Variants in SH3GL1 observed in about 807,000 individuals in gnomAD.
SH3GL1 encodes the protein SH3 domain containing GRB2 like 1, endophilin A2, also known as endophilin-A2.
SH3GL1 carries 21 observed loss-of-function variants against 48.8 expected under a neutral mutation model. The observed-to-expected ratio is 0.43, with a 90% CI of 0.30 to 0.62. The LOEUF (loss-of-function observed/expected upper bound fraction) is 0.62, where lower values mean the gene tolerates loss of function less well. SH3GL1 is among the 20% of genes least tolerant of loss of function. The pLI, the probability that SH3GL1 is intolerant of heterozygous loss-of-function variation, is 0.11. For missense variants in SH3GL1, 454 were observed against 503.0 expected (o/e 0.90, Z 0.93); for synonymous variants, 282 against 217.5 (o/e 1.30, Z -2.61).
At chr19:4,379,807 C>T (rs886551167) in intron 1 of SH3GL1, among the ~76,000 whole-genome samples, 2 of 152,170 alleles carry the variant, frequency 1.3e-5, no homozygotes, top group Non-Finnish European at 2.9e-5. Context: ...ACACAAAGCA[C>T]GCCGCTCTGC....
rs35880496 is a variant in SH3GL1 at position 4,364,916 on chromosome 19, ATTTT to A, written c.331+562_331+565del. Among the ~76,000 whole-genome samples the A allele has an allele frequency of 4.6e-4, 54 of 116,216 alleles. No individual in the cohort carries two copies. The South Asian group carries it at 0.013, about 27-fold the overall frequency. The allele number at this position is 116,216 out of a possible 152,430, so 76.2% of individuals were successfully genotyped here. A position where few individuals can be genotyped will look rare whatever the true frequency, so the allele number is the denominator to read the frequency against. On this transcript the variant is annotated intron_variant, in intron 4 of 9. Transcript: ENST00000269886. ...TGTGTGTGTATATATATATATATAT[ATTTT>A]TTTTTTTTTAGTAGAAGCGGGGTGG... is the stretch of plus-strand genomic sequence containing the variant.
intron 1 of SH3GL1, among the ~76,000 whole-genome samples, chr19:4,369,210 A>C (rs1972846172): frequency 1.3e-5 from 2 of 152,196 alleles, no homozygotes; most frequent in Non-Finnish European, 2.9e-5. Context: ...TGAAGGCATT[A>C]GGAGGAAGGA....
Position 4,363,715 on chromosome 19 carries a change from C to G in SH3GL1, c.624+5G>C, listed in dbSNP as rs746797375. 6.2e-7 allele frequency: 1 copy of G among 1,613,014 alleles called. No homozygotes were observed. Among genetic ancestry groups the G allele is most frequent in the South Asian group, 1.1e-5 (1 of 91,044 alleles). ...TCTCAGGATGTGACACCCCGAGCTA[C>G]TCACGTCAGTCTCCAGGAGGTTGTG... On this transcript the variant is annotated splice_donor_5th_base_variant and intron_variant, in intron 6 of 9. Transcript: ENST00000269886.
intron 1 of SH3GL1, among the ~76,000 whole-genome samples, chr19:4,369,549 G>A (rs955831365): frequency 2.0e-5 from 3 of 152,146 alleles, no homozygotes; most frequent in African/African-American, 4.8e-5. Context: ...CCCTACCGGC[G>A]AGGACCACAT....
Position 4,361,371 on chromosome 19 carries a change from G to A in SH3GL1, c.*229C>T, listed in dbSNP as rs190675955. ...GCGCCATGGAGTGGGGAAGGGAGCC[G>A]TCACCGTTGGGAGTCAGCGCTAGTG... On this transcript the variant is annotated 3_prime_UTR_variant, in exon 10 of 10. Coordinates refer to ENST00000269886, the MANE Select transcript of SH3GL1 (RefSeq NM_003025.4). 3.3e-5 allele frequency: 18 copies of A among 541,362 alleles called. No homozygotes were observed. The highest frequency in any genetic ancestry group is 9.7e-5 in the South Asian group (4 of 41,090). 33.5% of individuals were successfully genotyped at this position (541,362 alleles called of 1,614,324 possible). A position where few individuals can be genotyped will look rare whatever the true frequency, so the allele number is the denominator to read the frequency against.
At chr19:4,373,436 T>C (rs1688752127) in intron 1 of SH3GL1, among the ~76,000 whole-genome samples, 1 of 152,116 alleles carries the variant, frequency 6.6e-6, no homozygotes, top group African/African-American at 2.4e-5. Context: ...GGCTGAATGG[T>C]TTTTAAAAAG....
rs1046385706 is a variant in SH3GL1, at chr19:4,367,512, G to A, written c.46-518C>T. ...GTGCAGGCAGCCGGGCAGGGAGGCC[G>A]CCATTCTCCTGTGCTCTGGTGCCCG... On this transcript the variant is annotated intron_variant, in intron 1 of 9. Transcript: ENST00000269886. The surrounding 1 kb of genome is among the most constrained non-coding windows in gnomAD (Gnocchi z 4.2). Among the ~76,000 whole-genome samples the A allele has an allele frequency of 2.0e-5, 3 of 152,146 alleles. No individual in the cohort carries two copies. The highest frequency in any genetic ancestry group is 2.9e-5 in the Non-Finnish European group (2 of 68,012).
chr19:4,378,431 CA>C (rs2144893670), intron 1 of SH3GL1, among the ~76,000 whole-genome samples: 1 of 152,144 alleles, frequency 6.6e-6, no homozygotes, highest in African/African-American at 2.4e-5. Context: ...TACACACCAC[CA>C]GGCCAGGTGC....
chr19:4,373,218 A>T (rs1972938013), intron 1 of SH3GL1, among the ~76,000 whole-genome samples: 1 of 152,206 alleles, frequency 6.6e-6, no homozygotes, highest in Non-Finnish European at 1.5e-5. Flanking sequence ...ATCAGACGGC[A>T]GAAACCCACT....
intron 1 of SH3GL1, among the ~76,000 whole-genome samples, chr19:4,368,497 G>A (rs540631827): frequency 6.6e-6 from 1 of 152,346 alleles, no homozygotes; most frequent in South Asian, 2.1e-4. Context: ...CCTGCCCGGA[G>A]TACACGGCTG....
chr19:4,361,841 C>A lies in SH3GL1; in HGVS notation c.911-45G>T, dbSNP rs561704218. ...GTGGGGCTGGGGCTGCTACGCCTCA[C>A]CCCGCCCAGTCTGGGGTCTCAGACC... On this transcript the variant is annotated intron_variant, in intron 9 of 9. Coordinates refer to ENST00000269886, the MANE Select transcript of SH3GL1 (RefSeq NM_003025.4). The A allele has an allele frequency of 3.4e-5, 48 of 1,393,750 alleles. 2 individuals carry two copies. The African/African-American group carries it at 5.8e-4, about 17-fold the overall frequency. 86.3% of individuals were successfully genotyped at this position (1,393,750 alleles called of 1,614,324 possible). A position where few individuals can be genotyped will look rare whatever the true frequency, so the allele number is the denominator to read the frequency against.
At chr19:4,363,348 G>A (rs1972676657) in intron 7 of SH3GL1, 22 bp downstream of exon 7, 2 of 1,566,470 alleles carry the variant, frequency 1.3e-6, no homozygotes, top group Non-Finnish European at 1.7e-6. Flanking sequence ...AGACTCTGGA[G>A]AGACCAAGGC....
chr19:4,398,561 T>C (rs1206517553), intron 1 of SH3GL1, among the ~76,000 whole-genome samples: 1 of 151,992 alleles, frequency 6.6e-6, no homozygotes, highest in Admixed American at 6.6e-5. Flanking sequence ...TTAGTAGAGA[T>C]GGGGTTTTGC....
At chr19:4,374,855 C>A (rs1275354837) in intron 1 of SH3GL1, among the ~76,000 whole-genome samples, 1 of 152,034 alleles carries the variant, frequency 6.6e-6, no homozygotes, top group Non-Finnish European at 1.5e-5. Context: ...GCGGGCTGCG[C>A]CTGGTGGCCG....
chr19:4,383,827 G>A (rs1384044623), intron 1 of SH3GL1, among the ~76,000 whole-genome samples: 2 of 152,142 alleles, frequency 1.3e-5, no homozygotes, highest in Non-Finnish European at 2.9e-5. Context: ...CGTGATCCAC[G>A]CCGGAACACA....
chr19:4,400,441 C>A lies in SH3GL1; in HGVS notation c.-73G>T. ...GCTCCCGGGCGCCGCCGACCCTCTG[C>A]GCGCCTCAGCAGTCCCCGTCGGCGC... On this transcript the variant is annotated 5_prime_UTR_variant, in exon 1 of 10. Coordinates refer to ENST00000269886, the MANE Select transcript of SH3GL1 (RefSeq NM_003025.4). The surrounding 1 kb of genome is among the most constrained non-coding windows in gnomAD (Gnocchi z 4.1). The A allele has an allele frequency of 2.8e-6, 4 of 1,411,096 alleles. No individual in the cohort carries two copies. The highest frequency in any genetic ancestry group is 3.7e-6 in the Non-Finnish European group (4 of 1,080,040). The allele number at this position is 1,411,096 out of a possible 1,614,324, so 87.4% of individuals were successfully genotyped here. A position where few individuals can be genotyped will look rare whatever the true frequency, so the allele number is the denominator to read the frequency against.
chr19:4,384,514 G>A lies in SH3GL1; in HGVS notation c.45+15810C>T, dbSNP rs374066475. On this transcript the variant is annotated intron_variant, in intron 1 of 9. Transcript: ENST00000269886. Reference sequence around the variant, plus strand: ...TTTCTTTTTTTGAAGGCAGGGTCTCGCTATATTGCCTAGGCTGGAGTGCAG... The same window carrying A: ...TTTCTTTTTTTGAAGGCAGGGTCTCACTATATTGCCTAGGCTGGAGTGCAG... Among the ~76,000 whole-genome samples, 37 of 152,262 alleles carry A rather than the reference G, an allele frequency of 2.4e-4. No homozygotes were observed. In the South Asian group the frequency reaches 5.4e-3, roughly 22 times the overall value.
intron 1 of SH3GL1, among the ~76,000 whole-genome samples, chr19:4,394,984 T>TG (rs1973400379): frequency 6.6e-6 from 1 of 152,282 alleles, no homozygotes; most frequent in South Asian, 2.1e-4. Context: ...GGAAGGGGTC[T>TG]GCGCCATCCC....
In SH3GL1 at chr19:4,361,685, T is replaced by C; in HGVS notation, c.1022A>G (p.Glu341Gly). ...GTCCAGCATGCCCTCGTACCAGTTC[T>C]CATCGATCTGGTTGGTCAGCGTGAT... ...DVITLTNQID[E>G]NWYEGMLDGQ... Residue 341 changes from glutamate to glycine, a missense_variant, in exon 10 of 10, where the codon GAG becomes GGG. Glu to Gly is a moderately conservative substitution (Grantham distance 98). Around this residue, in one of 2 missense-constraint regions of SH3GL1, gnomAD observed 278 missense variants for 246.8 expected, o/e 1.13. Coordinates refer to ENST00000269886, the MANE Select transcript of SH3GL1 (RefSeq NM_003025.4). 6.2e-7 allele frequency: 1 copy of C among 1,612,886 alleles called. No individual in the cohort carries two copies. The highest frequency in any genetic ancestry group is 8.5e-7 in the Non-Finnish European group (1 of 1,179,566).
Sources: allele counts gnomAD v4.1 joint callset (sites outside exome capture counted in the v4.1 genomes callset), GRCh38; gene constraint gnomAD v4.1.1; regional missense constraint gnomAD v4.1.1; non-coding constraint Gnocchi (gnomAD v3.1); transcripts MANE v1.5; gene names NCBI Gene and HGNC (gene_info 2026-07-23, HGNC 2026-07-21).